The following EPAS1 variants were observed in gnomAD, a reference collection of about 807,000 sequenced individuals.
EPAS1 encodes the protein endothelial PAS domain protein 1, also known as endothelial PAS domain-containing protein 1.
A neutral mutation model predicts 87.9 loss-of-function variants in EPAS1; 23 were observed. That is an observed-to-expected ratio of 0.26 (90% confidence interval 0.19 to 0.37). The LOEUF (loss-of-function observed/expected upper bound fraction) is 0.37, where lower values mean the gene tolerates loss of function less well. Among genes scored for constraint, EPAS1 ranks in the 10% least tolerant of loss-of-function variants. The pLI is 1.00. For missense variants in EPAS1, 1,138 were observed against 1,120.7 expected, an observed-to-expected ratio of 1.02 and a Z score of -0.22; for synonymous variants, 508 against 444.3, an observed-to-expected ratio of 1.14 and a Z score of -1.80.
chr2:46,303,180 A>T (rs977318330), intron 1 of EPAS1, among the ~76,000 whole-genome samples: 2 of 152,202 alleles, frequency 1.3e-5, no homozygotes, highest in African/African-American at 4.8e-5. Flanking sequence ...CATTTCAGGT[A>T]ATAACCGCCC....
At chr2:46,317,219 T>A (rs1334282296) in intron 1 of EPAS1, among the ~76,000 whole-genome samples, 2 of 152,240 alleles carry the variant, frequency 1.3e-5, no homozygotes, top group Non-Finnish European at 2.9e-5. Flanking sequence ...CTCCCACAAA[T>A]TACAAATGCT....
chr2:46,298,087 T>G, intron 1 of EPAS1, 150 bp downstream of exon 1: 3 of 1,009,810 alleles, frequency 3.0e-6, no homozygotes, highest in Non-Finnish European at 4.4e-6. Flanking sequence ...GGGGAGAGCA[T>G]GTGCCCGGTT....
In EPAS1 at chr2:46,310,696, T is replaced by A. The variant is rs151143128; in HGVS notation, c.26+12759T>A. 6.2e-3 allele frequency among the ~76,000 whole-genome samples: 946 copies of A among 152,324 alleles called. 14 individuals carry two copies. Among genetic ancestry groups the A allele is most frequent in the African/African-American group, 0.022 (896 of 41,556 alleles). ...CACTTAAAGTCATACCTGAACACTG[T>A]GGGCCAGGCCTTGGCCAGAGATCCC... On this transcript the variant is annotated intron_variant, in intron 1 of 15. Transcript: ENST00000263734.
intron 1 of EPAS1, among the ~76,000 whole-genome samples, chr2:46,298,365 G>A (rs751776149): frequency 2.4e-4 from 36 of 152,324 alleles, no homozygotes; most frequent in Non-Finnish European, 4.4e-4. Context: ...CTGGATTCGC[G>A]GAGTCCTTCC....
At chr2:46,378,858 G>C (rs879176433) in intron 11 of EPAS1, 91 bp downstream of exon 11, 1 of 1,248,520 alleles carries the variant, frequency 8.0e-7, no homozygotes. Flanking sequence ...TCATCCCTTT[G>C]TTGTAAAGAG....
chr2:46,367,883 T>A (rs1274049443), intron 6 of EPAS1, among the ~76,000 whole-genome samples: 1 of 152,180 alleles, frequency 6.6e-6, no homozygotes, highest in Non-Finnish European at 1.5e-5. Flanking sequence ...GGATAGACTA[T>A]CATGACAGGT....
rs1344827657 is a variant in EPAS1, at chr2:46,300,663, GT to G, written c.26+2727del. Among the ~76,000 whole-genome samples, 8 of 152,086 alleles carry G rather than the reference GT, an allele frequency of 5.3e-5. No homozygotes were observed. The highest frequency in any genetic ancestry group is 5.2e-4 in the Admixed American group (8 of 15,274). ...TGAGTCCTTTCACTGGGAAAAAAAT[GT>G]GGAAATTCTGGGATTCACGGGGTTT... On this transcript the variant is annotated intron_variant, in intron 1 of 15. Transcript: ENST00000263734. The surrounding 1 kb of genome is among the most constrained non-coding windows in gnomAD (Gnocchi z 4.1).
chr2:46,384,068 G>T (rs1487677071), intron 15 of EPAS1, among the ~76,000 whole-genome samples: 1 of 152,242 alleles, frequency 6.6e-6, no homozygotes, highest in African/African-American at 2.4e-5. Context: ...AAGAAGAAAG[G>T]ACTGCTGAGG....
rs745323785 is a variant in EPAS1 at position 46,384,710 on chromosome 2, T to C, written c.*50T>C. 1.9e-6 allele frequency: 3 copies of C among 1,602,854 alleles called. No individual in the cohort carries two copies. The African/African-American group carries it at 4.0e-5, about 21-fold the overall frequency. ...CCTCTGCCGACGCCGTCCCACCAGCTTCACTCTCTCCGTCTGTTTTTGCAA... is the reference window on the plus strand; with the variant it reads ...CCTCTGCCGACGCCGTCCCACCAGCCTCACTCTCTCCGTCTGTTTTTGCAA... On this transcript the variant is annotated 3_prime_UTR_variant, in exon 16 of 16. Transcript: ENST00000263734.
intron 7 of EPAS1, among the ~76,000 whole-genome samples, chr2:46,372,842 A>T: frequency 6.6e-6 from 1 of 152,268 alleles, no homozygotes; most frequent in East Asian, 1.9e-4. Flanking sequence ...GGACCATCTA[A>T]ATAAGTTAAA....
intron 1 of EPAS1, among the ~76,000 whole-genome samples, chr2:46,328,384 C>G (rs1441946146): frequency 6.6e-6 from 1 of 152,112 alleles, no homozygotes; most frequent in African/African-American, 2.4e-5. Context: ...GGTGGCAGGC[C>G]CATTTAGATC....
chr2:46,338,687 T>C (rs983527463), intron 1 of EPAS1, among the ~76,000 whole-genome samples: 5 of 152,254 alleles, frequency 3.3e-5, no homozygotes, highest in African/African-American at 1.2e-4. Context: ...GCACAGCTGG[T>C]CTTCTCTTCA....
intron 6 of EPAS1, among the ~76,000 whole-genome samples, chr2:46,364,283 T>C (rs1185033625): frequency 6.6e-6 from 1 of 152,324 alleles, no homozygotes; most frequent in East Asian, 1.9e-4. Context: ...CAAGAAAAGT[T>C]AGAATCTGAA....
chr2:46,333,590 G>A (rs1260932410), intron 1 of EPAS1, among the ~76,000 whole-genome samples: 2 of 152,072 alleles, frequency 1.3e-5, no homozygotes, highest in African/African-American at 2.4e-5. Flanking sequence ...AAAGGGGTGC[G>A]GAGTTTGGGG....
chr2:46,356,245 A>G lies in EPAS1; in HGVS notation c.312A>G (p.Gln104=), dbSNP rs771767746. The G allele has an allele frequency of 6.2e-7, 1 of 1,614,022 alleles. No individual in the cohort carries two copies. The highest frequency in any genetic ancestry group is 1.1e-5 in the South Asian group (1 of 91,066). ...AGGGTTTCATTGCCGTGGTGACCCAAGATGGCGACATGATCTTTCTGTCAG... is the reference window on the plus strand; with the variant it reads ...AGGGTTTCATTGCCGTGGTGACCCAGGATGGCGACATGATCTTTCTGTCAG... ...ALEGFIAVVT[Q]DGDMIFLSEN... Residue 104 remains glutamine (Q), a synonymous_variant, in exon 3 of 16, where the codon CAA becomes CAG. Coordinates refer to ENST00000263734, the MANE Select transcript of EPAS1 (RefSeq NM_001430.5).
At chr2:46,309,170 T>G (rs1415549438) in intron 1 of EPAS1, among the ~76,000 whole-genome samples, 1 of 152,204 alleles carries the variant, frequency 6.6e-6, no homozygotes, top group Non-Finnish European at 1.5e-5. Context: ...GGTAGACACT[T>G]TGCTCACATC....
chr2:46,375,927 C>T lies in EPAS1; in HGVS notation c.1034+90C>T. 6.4e-7 allele frequency: 1 copy of T among 1,553,926 alleles called. No individual in the cohort carries two copies. Among genetic ancestry groups the T allele is most frequent in the Admixed American group, 1.7e-5 (1 of 59,868 alleles). On this transcript the variant is annotated intron_variant, in intron 8 of 15. Transcript: ENST00000263734. The surrounding 1 kb of genome is among the most constrained non-coding windows in gnomAD (Gnocchi z 4.1). ...TCAGGATGACAGGCCTAGGAGATGC[C>T]AGGCCTCTCAGCGCCCTGGGCACCA...
intron 1 of EPAS1, among the ~76,000 whole-genome samples, chr2:46,314,147 C>A (rs13403798): frequency 0.052 from 7,888 of 152,190 alleles, 685 homozygotes; most frequent in African/African-American, 0.18. Context: ...TCTCTCTTGG[C>A]ACCTTATTTT....
At chr2:46,354,012 G>C (rs1170069053) in intron 2 of EPAS1, among the ~76,000 whole-genome samples, 1 of 152,260 alleles carries the variant, frequency 6.6e-6, no homozygotes, top group Non-Finnish European at 1.5e-5. Context: ...CTCTGATCCT[G>C]TGTCCTGAAA....
Sources: gnomAD v4.1 joint callset for allele counts (sites outside exome capture counted in the v4.1 genomes callset) on GRCh38, gnomAD v4.1.1 for gene constraint, Gnocchi (gnomAD v3.1) non-coding constraint, MANE v1.5 for transcripts, NCBI Gene and HGNC (gene_info 2026-07-23, HGNC 2026-07-21) for gene names.